Variants in PACC1 observed in about 807,000 individuals in gnomAD.
PACC1 encodes the protein proton activated chloride channel 1.
A neutral mutation model predicts 39.7 loss-of-function variants in PACC1; 34 were observed. The ratio of observed to expected loss-of-function variants is 0.86; its 90% CI spans 0.65 to 1.14. PACC1 has a LOEUF of 1.14. Among genes scored for constraint, PACC1 ranks in the 50% most tolerant of loss-of-function variants. The pLI is 0.00. For synonymous variants in PACC1, 127 were observed against 160.6 expected (o/e 0.79, Z 1.58); for missense variants, 379 against 436.4 (o/e 0.87, Z 1.17).
chr1:212,388,252 G>A (rs1482498959), intron 2 of PACC1, among the ~76,000 whole-genome samples: 4 of 152,058 alleles, frequency 2.6e-5, no homozygotes, highest in Admixed American at 6.5e-5. Flanking sequence ...CAGGGATGGG[G>A]CCAGTCTTAT....
intron 4 of PACC1, among the ~76,000 whole-genome samples, chr1:212,381,531 T>A (rs966810819): frequency 1.3e-5 from 2 of 152,170 alleles, no homozygotes; most frequent in Non-Finnish European, 2.9e-5. Flanking sequence ...CCACTCCCCC[T>A]GCTGGAGCCT....
At chr1:212,393,391 GAAGA>G (rs1398060514) in intron 2 of PACC1, among the ~76,000 whole-genome samples, 1 of 152,204 alleles carries the variant, frequency 6.6e-6, no homozygotes. Flanking sequence ...AAACCAATGA[GAAGA>G]AAGACACAAC....
intron 6 of PACC1, 42 bp downstream of exon 6, chr1:212,377,520 G>C (rs763754151): frequency 1.2e-6 from 2 of 1,611,864 alleles, no homozygotes; most frequent in Non-Finnish European, 1.7e-6. Flanking sequence ...CTCGAATGTG[G>C]AAAAGTCACC....
chr1:212,413,817 G>T, intron 1 of PACC1: 1 of 1,418,006 alleles, frequency 7.1e-7, no homozygotes, highest in South Asian at 1.4e-5. Flanking sequence ...GAGTATAAGA[G>T]ACTAAAGGGA....
At chr1:212,385,138 G>A (rs1435309140) in intron 4 of PACC1, 136 bp downstream of exon 4, 18 of 982,512 alleles carry the variant, frequency 1.8e-5, no homozygotes, top group East Asian at 1.0e-4. Flanking sequence ...TGGCACAGCC[G>A]CATGTCTCCT....
intron 2 of PACC1, among the ~76,000 whole-genome samples, chr1:212,390,079 A>G (rs1307899241): frequency 2.0e-5 from 3 of 152,114 alleles, no homozygotes; most frequent in Non-Finnish European, 4.4e-5. Flanking sequence ...AAATTGTTAC[A>G]GTATCTAGCA....
intron 2 of PACC1, among the ~76,000 whole-genome samples, chr1:212,391,037 G>A (rs1054548027): frequency 1.3e-5 from 2 of 152,222 alleles, no homozygotes; most frequent in African/African-American, 4.8e-5. Flanking sequence ...CGAACAAAAG[G>A]CAGCAGAAAC....
chr1:212,389,305 C>A (rs1661217970), intron 2 of PACC1, among the ~76,000 whole-genome samples: 1 of 152,148 alleles, frequency 6.6e-6, no homozygotes, highest in Non-Finnish European at 1.5e-5. Flanking sequence ...ATGTTCAGAT[C>A]CTTGGCTGGA....
chr1:212,377,021 T>C (rs931166765), intron 6 of PACC1: 1 of 152,790 alleles, frequency 6.5e-6, no homozygotes, highest in Non-Finnish European at 1.5e-5. Flanking sequence ...TGCAGAGTTA[T>C]ATGTATATGG....
At chr1:212,376,953 A>G (rs558836395) in intron 6 of PACC1, 1 of 152,272 alleles carries the variant, frequency 6.6e-6, no homozygotes, top group Admixed American at 6.5e-5. Context: ...TAACATTTCT[A>G]TTTTTGAATG....
chr1:212,385,530 G>A (rs1261341704), intron 3 of PACC1, 105 bp from the exon 4 acceptor site: 1 of 1,225,506 alleles, frequency 8.2e-7, no homozygotes, highest in Non-Finnish European at 1.2e-6. Context: ...ACTCCCTGGA[G>A]GACTGCAGGG....
intron 1 of PACC1, among the ~76,000 whole-genome samples, chr1:212,412,899 C>A (rs1662188707): frequency 6.6e-6 from 1 of 152,218 alleles, no homozygotes; most frequent in Non-Finnish European, 1.5e-5. Flanking sequence ...AATCCCCAAA[C>A]AACCCTGGGA....
intron 2 of PACC1, among the ~76,000 whole-genome samples, chr1:212,407,646 G>A (rs1661967780): frequency 6.6e-6 from 1 of 152,130 alleles, no homozygotes; most frequent in Non-Finnish European, 1.5e-5. Context: ...GAGTGTTTTT[G>A]GTTTTTGTCT....
chr1:212,394,240 T>G (rs1571664213), intron 2 of PACC1, among the ~76,000 whole-genome samples: 1 of 152,190 alleles, frequency 6.6e-6, no homozygotes, highest in South Asian at 2.1e-4. Flanking sequence ...TTATCCACCA[T>G]GATCAAGTGG....
At chr1:212,414,640 C>T (rs1571691041) in intron 1 of PACC1, 82 bp downstream of exon 1, 5 of 1,538,746 alleles carry the variant, frequency 3.2e-6, no homozygotes, top group Non-Finnish European at 4.5e-6. Context: ...AGCCCCGACA[C>T]CCCCCGCCCC....
At position 212,365,108 on chromosome 1, in the gene PACC1, C is replaced by T; in HGVS notation, c.*107G>A. 4.3e-6 allele frequency: 5 copies of T among 1,159,236 alleles called. No homozygotes were observed. Among genetic ancestry groups the T allele is most frequent in the Non-Finnish European group, 5.9e-6 (5 of 840,714 alleles). 71.8% of individuals were successfully genotyped at this position (1,159,236 alleles called of 1,614,324 possible). A position where few individuals can be genotyped will look rare whatever the true frequency, so the allele number is the denominator to read the frequency against. On this transcript the variant is annotated 3_prime_UTR_variant, in exon 8 of 8. Coordinates refer to ENST00000261455, the MANE Select transcript of PACC1 (RefSeq NM_018252.3). ...TACATGCTGTTCCTCCCAGCAAGGCCCCATTTCTTCAAGTGAGTACAGGAT... is the reference window on the plus strand; with the variant it reads ...TACATGCTGTTCCTCCCAGCAAGGCTCCATTTCTTCAAGTGAGTACAGGAT...
intron 7 of PACC1, among the ~76,000 whole-genome samples, chr1:212,372,014 G>A (rs1031010710): frequency 1.3e-5 from 2 of 152,096 alleles, no homozygotes; most frequent in African/African-American, 4.8e-5. Context: ...GCCGGATATG[G>A]TGGCTCACTC....
intron 6 of PACC1, among the ~76,000 whole-genome samples, chr1:212,377,288 G>A (rs992421061): frequency 2.0e-5 from 3 of 152,174 alleles, no homozygotes; most frequent in Non-Finnish European, 4.4e-5. Context: ...ACACAGCTGG[G>A]CGAGTTACTG....
At chr1:212,373,305 G>A (rs1276351706) in intron 7 of PACC1, among the ~76,000 whole-genome samples, 1 of 152,098 alleles carries the variant, frequency 6.6e-6, no homozygotes, top group African/African-American at 2.4e-5. Flanking sequence ...ATATCCATAT[G>A]CAGAAGAATG....
Sources: gnomAD v4.1 joint callset for allele counts (sites outside exome capture counted in the v4.1 genomes callset) on GRCh38, gnomAD v4.1.1 for gene constraint, MANE v1.5 for transcripts, NCBI Gene and HGNC (gene_info 2026-07-23, HGNC 2026-07-21) for gene names.